Variants in CCDC57 observed in about 807,000 individuals in gnomAD.
The protein encoded by CCDC57 is coiled-coil domain-containing protein 57.
Under a neutral mutation model 118.9 loss-of-function variants are expected in CCDC57, and 118 were observed. That is an observed-to-expected ratio of 0.99 (90% CI 0.86 to 1.16). The LOEUF (loss-of-function observed/expected upper bound fraction) is 1.16. Ranked by LOEUF, CCDC57 falls within the 50% of genes most tolerant of loss-of-function variation. CCDC57 has a pLI of 0.00. For missense variants in CCDC57, 1,300 were observed against 1,320.7 expected (o/e 0.98, Z 0.24); for synonymous variants, 527 against 532.9 (o/e 0.99, Z 0.15).
chr17:82,102,938 A>G (rs2034565199), intron 19 of CCDC57, among the ~76,000 whole-genome samples: 2 of 151,754 alleles, frequency 1.3e-5, no homozygotes, highest in Admixed American at 6.6e-5. Flanking sequence ...CTCAGCGTCC[A>G]CTGCGTGGCC....
chr17:82,140,649 T>C (rs1281767705), intron 16 of CCDC57, among the ~76,000 whole-genome samples: 2 of 152,244 alleles, frequency 1.3e-5, no homozygotes, highest in Non-Finnish European at 2.9e-5. Flanking sequence ...AGGACTGGAA[T>C]TGGAAATACT....
chr17:82,205,929 G>A (rs1304179867), intron 2 of CCDC57, among the ~76,000 whole-genome samples: 1 of 152,228 alleles, frequency 6.6e-6, no homozygotes, highest in African/African-American at 2.4e-5. Flanking sequence ...CTCTGTTTCT[G>A]TACAAATCCC....
At chr17:82,180,852 C>T (rs926261593) in intron 9 of CCDC57, among the ~76,000 whole-genome samples, 11 of 152,216 alleles carry the variant, frequency 7.2e-5, no homozygotes, top group African/African-American at 2.4e-4. Flanking sequence ...GTCACCATGC[C>T]TATCTTCCCA....
At chr17:82,198,886 G>C (rs1022370432) in intron 3 of CCDC57, among the ~76,000 whole-genome samples, 25 of 151,476 alleles carry the variant, frequency 1.7e-4, no homozygotes, top group Non-Finnish European at 2.8e-4. Context: ...CCAGCTACTC[G>C]GGAGGCTGAG....
At chr17:82,195,073 C>T (rs567320141) in intron 5 of CCDC57, among the ~76,000 whole-genome samples, 190 bp downstream of exon 4, 61 of 152,372 alleles carry the variant, frequency 4.0e-4, no homozygotes, top group Middle Eastern at 3.4e-3. Context: ...CCACCTTTGA[C>T]GGGAGTGCCC....
chr17:82,197,457 G>A (rs1378903539), intron 4 of CCDC57, among the ~76,000 whole-genome samples: 1 of 152,240 alleles, frequency 6.6e-6, no homozygotes, highest in African/African-American at 2.4e-5. Context: ...AGAACATTGA[G>A]GAGAAATTCG....
chr17:82,182,643 C>T (rs1460257816), intron 9 of CCDC57, among the ~76,000 whole-genome samples: 2 of 150,806 alleles, frequency 1.3e-5, no homozygotes, highest in East Asian at 1.9e-4. Context: ...TGTGAGCCAC[C>T]GCGCCCGGCC....
intron 16 of CCDC57, among the ~76,000 whole-genome samples, chr17:82,149,573 C>T (rs542233754): frequency 2.6e-4 from 39 of 152,220 alleles, no homozygotes; most frequent in Admixed American, 6.5e-4. Flanking sequence ...ATGCTGCCAG[C>T]GAAGTGGGTC....
exon 14 of CCDC57, chr17:82,163,204 T>G: frequency 6.2e-7 from 1 of 1,613,698 alleles, no homozygotes; most frequent in Admixed American, 1.7e-5. Context: ...CCTCACCTTC[T>G]GTCTGAGTCG....
intron 16 of CCDC57, among the ~76,000 whole-genome samples, chr17:82,150,931 A>G (rs1213830739): frequency 2.2e-5 from 2 of 89,232 alleles, no homozygotes; most frequent in Admixed American, 1.4e-4. Context: ...AACCAGGCGC[A>G]CACCCAGAAC....
At chr17:82,152,152 C>G (rs1320696569) in intron 15 of CCDC57, 3 of 250,392 alleles carry the variant, frequency 1.2e-5, no homozygotes, top group South Asian at 1.0e-4. Context: ...CCAGGGAGAG[C>G]AGAGAGAAGG....
intron 19 of CCDC57, chr17:82,127,333 C>T (rs1346894360): frequency 1.6e-5 from 16 of 984,652 alleles, no homozygotes; most frequent in African/African-American, 3.5e-5. Flanking sequence ...CACCAATGCC[C>T]ACGCGTCTCA....
intron 19 of CCDC57, among the ~76,000 whole-genome samples, chr17:82,121,404 A>G (rs2036660845): frequency 6.6e-6 from 1 of 152,002 alleles, no homozygotes; most frequent in Admixed American, 6.6e-5. Flanking sequence ...CGAGGACATG[A>G]CCTCACTCAC....
intron 9 of CCDC57, among the ~76,000 whole-genome samples, chr17:82,181,638 A>AG (rs2046221941): frequency 6.6e-6 from 1 of 152,246 alleles, no homozygotes; most frequent in African/African-American, 2.4e-5. Flanking sequence ...AGAAATAAAG[A>AG]TATGATGGAA....
chr17:82,171,642 AG>A, intron 13 of CCDC57, 58 bp downstream of exon 12: 1 of 1,562,646 alleles, frequency 6.4e-7, no homozygotes, highest in Non-Finnish European at 8.7e-7. Flanking sequence ...GGACTTTTGC[AG>A]GGGTCAGATT....
chr17:82,143,121 C>G (rs527700932), intron 16 of CCDC57, among the ~76,000 whole-genome samples: 1 of 150,472 alleles, frequency 6.6e-6, no homozygotes, highest in South Asian at 2.1e-4. Context: ...CCATTGCACT[C>G]TACAATGGCA....
intron 15 of CCDC57, among the ~76,000 whole-genome samples, chr17:82,153,016 C>T (rs1034462521): frequency 6.6e-6 from 1 of 152,208 alleles, no homozygotes; most frequent in East Asian, 1.9e-4. Context: ...CCCATGAAGG[C>T]TCGCCACAGG....
Position 82,172,711 on chromosome 17 carries a change from G to T in CCDC57, c.1656C>A (p.Pro552=). 1 of 1,581,326 alleles carries T rather than the reference G, an allele frequency of 6.3e-7. No homozygotes were observed. Among genetic ancestry groups the T allele is most frequent in the Non-Finnish European group, 8.6e-7 (1 of 1,163,572 alleles). The change falls in exon 12 of 20, where the codon CCC becomes CCA. Residue 552 remains proline (P), a synonymous_variant. Coordinates refer to ENST00000665763, the Ensembl canonical transcript of CCDC57. This position sits in a 1 kb window ranked among gnomAD's most constrained non-coding sequence, Gnocchi z 5.2. ...CTGTGCTCTCTGCCGCTGTCTGGAT[G>T]GGAGGAGGAATCTGATGGCTTAGAG...
exon 15 of CCDC57, chr17:82,157,830 A>G: frequency 6.2e-7 from 1 of 1,604,004 alleles, no homozygotes; most frequent in Non-Finnish European, 8.5e-7. Context: ...GGCTATCCTG[A>G]GATGCTTCCC....
Sources: gnomAD v4.1 joint callset for allele counts (sites outside exome capture counted in the v4.1 genomes callset) on GRCh38, gnomAD v4.1.1 for gene constraint, Gnocchi (gnomAD v3.1) non-coding constraint, MANE v1.5 for transcripts, NCBI Gene and HGNC (gene_info 2026-07-23, HGNC 2026-07-21) for gene names.